DDX10: variants seen among roughly 807,000 people sequenced by gnomAD.
The protein encoded by DDX10 is probable ATP-dependent RNA helicase DDX10.
DDX10 carries 74 observed loss-of-function variants against 104.3 expected under a neutral mutation model. That is an observed-to-expected ratio of 0.71 (90% confidence interval 0.59 to 0.86). The LOEUF is 0.86. Ranked by LOEUF, DDX10 falls within the 40% of genes least tolerant of loss-of-function variation. DDX10 has a pLI of 0.00. For missense variants in DDX10, 952 were observed against 1,040.0 expected, an observed-to-expected ratio of 0.92 and a Z score of 1.16; for synonymous variants, 351 against 353.4, an observed-to-expected ratio of 0.99 and a Z score of 0.08.
At chr11:108,697,936 T>C (rs2094262221) in intron 9 of DDX10, among the ~76,000 whole-genome samples, 2 of 152,270 alleles carry the variant, frequency 1.3e-5, no homozygotes, top group African/African-American at 4.8e-5. Context: ...ACTATTTTTT[T>C]CCCCCAGAAT....
At chr11:108,889,415 T>C (rs952070400) in intron 16 of DDX10, among the ~76,000 whole-genome samples, 10 of 152,156 alleles carry the variant, frequency 6.6e-5, no homozygotes, top group African/African-American at 2.4e-4. Flanking sequence ...TTTTTGTTGA[T>C]ATTTAAGGTT....
chr11:108,828,531 C>T (rs1381138341), intron 13 of DDX10, among the ~76,000 whole-genome samples: 1 of 151,122 alleles, frequency 6.6e-6, no homozygotes, highest in African/African-American at 2.4e-5. Flanking sequence ...TCCACATTTT[C>T]TTTTTTTTTG....
intron 11 of DDX10, 46 bp downstream of exon 11, chr11:108,716,012 T>C (rs2134469673): frequency 9.6e-7 from 1 of 1,042,940 alleles, no homozygotes; most frequent in Non-Finnish European, 1.5e-6. Flanking sequence ...GGAAAAACAG[T>C]AAAGTTTATC....
At chr11:108,722,903 C>G in intron 12 of DDX10, 94 bp from the exon 13 acceptor site, 1 of 1,454,312 alleles carries the variant, frequency 6.9e-7, no homozygotes, top group South Asian at 1.5e-5. Flanking sequence ...TAAAAAAGCT[C>G]TAGGAATCTC....
At position 108,678,305 on chromosome 11, in the gene DDX10, C is replaced by G. The variant is rs2094228949; in HGVS notation, c.538-10C>G. The G allele has an allele frequency of 1.9e-6, 3 of 1,606,012 alleles. No individual in the cohort carries two copies. Among genetic ancestry groups the G allele is most frequent in the Non-Finnish European group, 2.5e-6 (3 of 1,177,298 alleles). ...GTGTCTGTGTAATCAAAATAAATAA[C>G]TGTTTTCAGGATCTAAAACACGAAG... On this transcript the variant is annotated splice_polypyrimidine_tract_variant and intron_variant, in intron 4 of 17. Transcript: ENST00000322536.
chr11:108,861,873 G>T (rs959478116), intron 16 of DDX10, among the ~76,000 whole-genome samples: 9 of 152,062 alleles, frequency 5.9e-5, no homozygotes, highest in Non-Finnish European at 1.0e-4. Context: ...AAATACAAAA[G>T]AAATTAGCTG....
intron 16 of DDX10, among the ~76,000 whole-genome samples, chr11:108,912,718 C>A (rs1272645692): frequency 6.6e-6 from 1 of 152,158 alleles, no homozygotes; most frequent in African/African-American, 2.4e-5. Flanking sequence ...CAAGGATATT[C>A]CTGTGGAGAA....
chr11:108,744,509 T>C (rs2094329053), intron 13 of DDX10, among the ~76,000 whole-genome samples: 1 of 152,186 alleles, frequency 6.6e-6, no homozygotes, highest in Non-Finnish European at 1.5e-5. Flanking sequence ...GATGAAATAA[T>C]TAAAAATACT....
intron 13 of DDX10, among the ~76,000 whole-genome samples, chr11:108,796,549 T>C (rs1264191647): frequency 1.3e-5 from 2 of 152,228 alleles, no homozygotes; most frequent in African/African-American, 4.8e-5. Context: ...TTATCTGGGA[T>C]GACAGACTTG....
At chr11:108,875,872 T>C (rs1262799870) in intron 16 of DDX10, among the ~76,000 whole-genome samples, 1 of 152,158 alleles carries the variant, frequency 6.6e-6, no homozygotes, top group South Asian at 2.1e-4. Context: ...CCGGGAAGTA[T>C]CTGTGGGTTT....
At position 108,717,158 on chromosome 11, in the gene DDX10, A is replaced by G. The variant is rs979129846; in HGVS notation, c.1410+1192A>G. On this transcript the variant is annotated intron_variant, in intron 11 of 17. Coordinates refer to ENST00000322536, the MANE Select transcript of DDX10 (RefSeq NM_004398.4). Reference sequence around the variant, plus strand: ...GGATTCAGAGGTTGGATTCTATTTCAGCAGATAGATGAGGTGGGAGGAAGA... The same window carrying G: ...GGATTCAGAGGTTGGATTCTATTTCGGCAGATAGATGAGGTGGGAGGAAGA... 2.2e-4 allele frequency among the ~76,000 whole-genome samples: 33 copies of G among 152,308 alleles called. 1 individual carries two copies. The highest frequency in any genetic ancestry group is 6.8e-3 in the Middle Eastern group (2 of 294).
chr11:108,940,032 G>C (rs894205939), intron 17 of DDX10, among the ~76,000 whole-genome samples: 2 of 152,176 alleles, frequency 1.3e-5, no homozygotes, highest in African/African-American at 2.4e-5. Flanking sequence ...GGATGACCCA[G>C]TGTGAACAAA....
chr11:108,936,078 A>G (rs1378227223), intron 17 of DDX10, among the ~76,000 whole-genome samples: 1 of 152,192 alleles, frequency 6.6e-6, no homozygotes, highest in Non-Finnish European at 1.5e-5. Context: ...CCCATGATTC[A>G]TATATCTTGA....
At chr11:108,840,707 A>C (rs1862625456) in intron 14 of DDX10, among the ~76,000 whole-genome samples, 1 of 152,172 alleles carries the variant, frequency 6.6e-6, no homozygotes. Context: ...CTTTTCAGTT[A>C]GTTATTTCAG....
chr11:108,804,126 A>T (rs1862064356), intron 13 of DDX10, among the ~76,000 whole-genome samples: 1 of 152,218 alleles, frequency 6.6e-6, no homozygotes, highest in Non-Finnish European at 1.5e-5. Flanking sequence ...AGGGCATTGT[A>T]CATCAGTCCA....
intron 13 of DDX10, among the ~76,000 whole-genome samples, chr11:108,743,218 G>A (rs1477943952): frequency 6.6e-6 from 1 of 152,126 alleles, no homozygotes; most frequent in Non-Finnish European, 1.5e-5. Context: ...TACAAGGTTG[G>A]TTCAACATAT....
At chr11:108,766,089 G>A (rs945633096) in intron 13 of DDX10, among the ~76,000 whole-genome samples, 2 of 151,998 alleles carry the variant, frequency 1.3e-5, no homozygotes, top group Non-Finnish European at 2.9e-5. Flanking sequence ...TTATCCACAG[G>A]CCTCTACATT....
intron 13 of DDX10, among the ~76,000 whole-genome samples, chr11:108,812,555 G>GTACTTTTT (rs1275582073): frequency 3.3e-5 from 5 of 151,970 alleles, no homozygotes; most frequent in Non-Finnish European, 4.4e-5. Context: ...TTGCAATTTT[G>GTACTTTTT]TACTTCTTAG....
intron 16 of DDX10, among the ~76,000 whole-genome samples, chr11:108,915,866 A>G (rs551017058): frequency 2.6e-5 from 4 of 151,712 alleles, no homozygotes; most frequent in Admixed American, 6.6e-5. Flanking sequence ...CCACAACAAT[A>G]TTGCAACAGA....
Sources: gnomAD v4.1 joint callset for allele counts (sites outside exome capture counted in the v4.1 genomes callset) on GRCh38, gnomAD v4.1.1 for gene constraint, MANE v1.5 for transcripts, NCBI Gene and HGNC (gene_info 2026-07-23, HGNC 2026-07-21) for gene names.